Variants in RAB3GAP1 observed in about 807,000 individuals in gnomAD.
RAB3GAP1 encodes the protein RAB3 GTPase activating protein catalytic subunit 1, also known as rab3 GTPase-activating protein catalytic subunit.
Under a neutral mutation model 130.7 loss-of-function variants are expected in RAB3GAP1, and 86 were observed. The ratio of observed to expected loss-of-function variants is 0.66; its 90% CI spans 0.55 to 0.79. The LOEUF (loss-of-function observed/expected upper bound fraction) is 0.79. RAB3GAP1 is among the 30% of genes least tolerant of loss of function. RAB3GAP1 has a pLI of 0.00. For missense variants in RAB3GAP1, 1,029 were observed against 1,169.4 expected (o/e 0.88, Z 1.75); for synonymous variants, 367 against 401.7 (o/e 0.91, Z 1.03).
At chr2:135,132,836 A>T in intron 13 of RAB3GAP1, 59 bp from the exon 14 acceptor site, 1 of 1,035,848 alleles carries the variant, frequency 9.7e-7, no homozygotes, top group South Asian at 1.3e-5. Context: ...TGAGTTATAA[A>T]AATCAACAAA....
chr2:135,111,480 T>A (rs951845803), intron 5 of RAB3GAP1, among the ~76,000 whole-genome samples: 6 of 152,208 alleles, frequency 3.9e-5, no homozygotes, highest in African/African-American at 1.4e-4. Context: ...AGCTGCTTTA[T>A]GATAATTTTT....
chr2:135,071,968 A>G (rs973724221), intron 3 of RAB3GAP1, among the ~76,000 whole-genome samples: 3 of 152,104 alleles, frequency 2.0e-5, no homozygotes, highest in Non-Finnish European at 4.4e-5. Context: ...GCTGGAATCT[A>G]GTAGTGTGAT....
chr2:135,106,529 T>G (rs1690625809), intron 5 of RAB3GAP1, among the ~76,000 whole-genome samples: 1 of 152,130 alleles, frequency 6.6e-6, no homozygotes, highest in Non-Finnish European at 1.5e-5. Context: ...CAAGATGTGC[T>G]TTGTTTAACA....
intron 17 of RAB3GAP1, 101 bp downstream of exon 17, chr2:135,136,033 G>A: frequency 6.6e-7 from 1 of 1,516,240 alleles, no homozygotes; most frequent in South Asian, 1.1e-5. Flanking sequence ...TATCCAAAAA[G>A]TCTATGTTTA....
chr2:135,113,124 T>A, intron 5 of RAB3GAP1, 27 bp from the exon 6 acceptor site: 33 of 1,614,082 alleles, frequency 2.0e-5, no homozygotes, highest in Non-Finnish European at 2.8e-5. Context: ...GTTTCCCCTG[T>A]TTAATGCAGT....
rs1692142820 is a variant in RAB3GAP1, at chr2:135,150,432, A to G, written c.1987A>G (p.Thr663Ala). 2 of 1,614,108 alleles carry G rather than the reference A, an allele frequency of 1.2e-6. No homozygotes were observed. Among genetic ancestry groups the G allele is most frequent in the South Asian group, 1.1e-5 (1 of 91,092 alleles). ...GTCTGAAGTTTTAGCTAAATTAGGT[A>G]CATCGGCAGAGGGGGCTCACCTTCG... ...EQSEVLAKLG[T>A]SAEGAHLRAR... The change falls in exon 18 of 24, where the codon ACA (threonine) becomes GCA (alanine). Residue 663 changes from threonine (T) to alanine (A), a missense_variant. Coordinates refer to ENST00000264158, the MANE Select transcript of RAB3GAP1 (RefSeq NM_012233.3).
chr2:135,111,586 T>C (rs1360311889), intron 5 of RAB3GAP1, among the ~76,000 whole-genome samples: 1 of 152,232 alleles, frequency 6.6e-6, no homozygotes, highest in Non-Finnish European at 1.5e-5. Flanking sequence ...AAAGGACATA[T>C]ACATCATTGC....
chr2:135,117,439 C>CTTCTTCTTCTTCTTG (rs1691006992), intron 7 of RAB3GAP1, among the ~76,000 whole-genome samples: 2 of 148,632 alleles, frequency 1.3e-5, no homozygotes, highest in African/African-American at 4.9e-5. Context: ...TCTTCTTCTT[C>CTTCTTCTTCTTCTTG]TTCTTCTTCT....
At chr2:135,085,044 T>C (rs1689934453) in intron 3 of RAB3GAP1, among the ~76,000 whole-genome samples, 1 of 152,132 alleles carries the variant, frequency 6.6e-6, no homozygotes, top group Non-Finnish European at 1.5e-5. Flanking sequence ...AGCACACCTC[T>C]GGGGAAAAAC....
chr2:135,090,820 C>T (rs1002141897), intron 3 of RAB3GAP1, among the ~76,000 whole-genome samples, 178 bp from the exon 4 acceptor site: 1 of 152,088 alleles, frequency 6.6e-6, no homozygotes, highest in Admixed American at 6.6e-5. Flanking sequence ...TTTAAAGGAA[C>T]ACTGATAAAT....
intron 5 of RAB3GAP1, among the ~76,000 whole-genome samples, chr2:135,102,235 A>G (rs1336973550): frequency 2.0e-5 from 3 of 152,206 alleles, no homozygotes; most frequent in Non-Finnish European, 4.4e-5. Flanking sequence ...ACTTGGTCCC[A>G]GTAATGTAGG....
chr2:135,138,883 T>C (rs1158860283), intron 17 of RAB3GAP1, among the ~76,000 whole-genome samples: 1 of 152,162 alleles, frequency 6.6e-6, no homozygotes, highest in African/African-American at 2.4e-5. Context: ...CCCAAAGTGC[T>C]GGGATTATAG....
chr2:135,173,805 G>T (rs1045008136), downstream of RAB3GAP1, among the ~76,000 whole-genome samples: 25 of 152,204 alleles, frequency 1.6e-4, no homozygotes, highest in Admixed American at 1.6e-3. Flanking sequence ...CCTACTGCCA[G>T]CTCCTCTCTT....
chr2:135,106,062 G>T (rs1690600981), intron 5 of RAB3GAP1, among the ~76,000 whole-genome samples: 1 of 152,022 alleles, frequency 6.6e-6, no homozygotes, highest in African/African-American at 2.4e-5. Flanking sequence ...GAAGTGAGGA[G>T]CGTCTCGGCC....
chr2:135,078,867 A>G (rs1236615892), intron 3 of RAB3GAP1, among the ~76,000 whole-genome samples: 1 of 151,422 alleles, frequency 6.6e-6, no homozygotes, highest in African/African-American at 2.4e-5. Flanking sequence ...TTTTGTAGAA[A>G]TGTGGTTTCT....
intron 17 of RAB3GAP1, among the ~76,000 whole-genome samples, chr2:135,148,593 C>T (rs917938479): frequency 6.9e-6 from 1 of 145,302 alleles, no homozygotes; most frequent in Non-Finnish European, 1.5e-5. Flanking sequence ...CTTCTGGGTT[C>T]AAGCGATTCT....
chr2:135,117,594 G>GCTTCTTCTT (rs1691038567), intron 7 of RAB3GAP1, among the ~76,000 whole-genome samples: 4 of 19,142 alleles, frequency 2.1e-4, no homozygotes, highest in Admixed American at 1.7e-3. Context: ...TTCTTCTTCT[G>GCTTCTTCTT]CTGCTTCTTC....
At chr2:135,101,080 A>G (rs1230905188) in intron 5 of RAB3GAP1, among the ~76,000 whole-genome samples, 1 of 152,240 alleles carries the variant, frequency 6.6e-6, no homozygotes, top group East Asian at 1.9e-4. Flanking sequence ...GGTTGGGTAT[A>G]GCAGTAGAGG....
intron 5 of RAB3GAP1, among the ~76,000 whole-genome samples, 158 bp downstream of exon 5, chr2:135,093,851 A>G (rs1690218345): frequency 6.6e-6 from 1 of 152,206 alleles, no homozygotes; most frequent in South Asian, 2.1e-4. Flanking sequence ...AAATCTGCAA[A>G]GGGAAAAAAC....
Sources: allele counts gnomAD v4.1 joint callset (sites outside exome capture counted in the v4.1 genomes callset), GRCh38; gene constraint gnomAD v4.1.1; transcripts MANE v1.5; gene names NCBI Gene and HGNC (gene_info 2026-07-23, HGNC 2026-07-21).